MEP1B: variants seen among roughly 807,000 people sequenced by gnomAD.
MEP1B encodes the protein meprin A subunit beta, also known as N-benzoyl-L-tyrosyl-P-amino-benzoic acid hydrolase subunit beta.
In MEP1B, 80 loss-of-function variants were observed where a neutral mutation model predicts 84.6. The ratio of observed to expected loss-of-function variants is 0.95; its 90% confidence interval spans 0.79 to 1.14. MEP1B has a LOEUF of 1.14. Among genes scored for constraint, MEP1B ranks in the 50% most tolerant of loss-of-function variants. The pLI, the probability that MEP1B is intolerant of heterozygous loss-of-function variation, is 0.00. For missense variants in MEP1B, 766 were observed against 855.1 expected (o/e 0.90, Z 1.30); for synonymous variants, 273 against 288.1 (o/e 0.95, Z 0.53).
Position 32,217,829 on chromosome 18 carries a change from C to A in MEP1B, c.1955C>A (p.Thr652Asn). 1 of 1,613,898 alleles carries A rather than the reference C, an allele frequency of 6.2e-7. No individual in the cohort carries two copies. The highest frequency in any genetic ancestry group is 8.5e-7 in the Non-Finnish European group (1 of 1,179,834). Residue 652 changes from threonine to asparagine, a missense_variant, in exon 14 of 15, where the codon ACC (threonine) becomes AAC (asparagine). Transcript: ENST00000269202. ...RCEKRGSTRD[T>N]IVIAVSSTVA... ...GAAAAGAGAGGCTCCACCCGAGACACCATAGTCATTGCTGTTTCATCTACT... is the reference window on the plus strand; with the variant it reads ...GAAAAGAGAGGCTCCACCCGAGACAACATAGTCATTGCTGTTTCATCTACT...
At chr18:32,213,920 C>A (rs908970003) in intron 11 of MEP1B, among the ~76,000 whole-genome samples, 2 of 152,160 alleles carry the variant, frequency 1.3e-5, no homozygotes, top group African/African-American at 4.8e-5. Flanking sequence ...TCTCTTAGGG[C>A]CCCAGTGTCC....
Position 32,196,604 on chromosome 18 carries a change from G to A in MEP1B, c.250+1119G>A, listed in dbSNP as rs1243612895. On this transcript the variant is annotated intron_variant, in intron 5 of 14. Coordinates refer to ENST00000269202, the MANE Select transcript of MEP1B (RefSeq NM_005925.3). This position sits in a 1 kb window ranked among gnomAD's most constrained non-coding sequence, Gnocchi z 4.4. ...TGTCCAGGAAGCACAGCGACAGGTC[G>A]TACTCCATCACCCTGTGCAGCACCC... is the stretch of plus-strand genomic sequence containing the variant. 4 of 723,064 alleles carry A rather than the reference G, an allele frequency of 5.5e-6. No individual in the cohort carries two copies. Among genetic ancestry groups the A allele is most frequent in the South Asian group, 2.9e-5 (2 of 69,270 alleles). The allele number at this position is 723,064 out of a possible 1,614,324, so 44.8% of individuals were successfully genotyped here.
chr18:32,219,580 T>A (rs976245040), intron 14 of MEP1B, among the ~76,000 whole-genome samples: 1 of 152,024 alleles, frequency 6.6e-6, no homozygotes, highest in Non-Finnish European at 1.5e-5. Context: ...GGGGACAAGT[T>A]AACTGGGTGG....
intron 5 of MEP1B, among the ~76,000 whole-genome samples, chr18:32,202,426 A>C (rs80051029): frequency 1.3e-5 from 2 of 152,176 alleles, no homozygotes; most frequent in Middle Eastern, 3.2e-3. Flanking sequence ...TGCACTTTGC[A>C]TTTGTAGATA....
In MEP1B at chr18:32,206,106, C is replaced by T. The variant is rs528148700; in HGVS notation, c.548-1146C>T. On this transcript the variant is annotated intron_variant, in intron 7 of 14. Coordinates refer to ENST00000269202, the MANE Select transcript of MEP1B (RefSeq NM_005925.3). Reference sequence around the variant, plus strand: ...AAGTGATTCTCCTGCCTCAGCCTCCCGAGTAACTGGGATTATAGGCGCCCG... The same window carrying T: ...AAGTGATTCTCCTGCCTCAGCCTCCTGAGTAACTGGGATTATAGGCGCCCG... Among the ~76,000 whole-genome samples, 142 of 151,754 alleles carry T rather than the reference C, an allele frequency of 9.4e-4. 1 individual carries two copies. Among genetic ancestry groups the T allele is most frequent in the African/African-American group, 3.1e-3 (130 of 41,350 alleles).
intron 5 of MEP1B, among the ~76,000 whole-genome samples, chr18:32,197,405 G>GTTTTTTTTTTTTTTTTTTTT (rs34303503): frequency 7.0e-6 from 1 of 142,162 alleles, no homozygotes; most frequent in African/African-American, 2.6e-5. Flanking sequence ...TTTCATTTTT[G>GTTTTTTTTTTTTTTTTTTTT]TTTTTTTTTT....
chr18:32,196,648 C>A lies in MEP1B; in HGVS notation c.250+1163C>A. ...AGCACCCGCCTGATGTTGTCCAGCA[C>A]GCCACCTCGGGGTGTCTTCCCCAAG... On this transcript the variant is annotated intron_variant, in intron 5 of 14. Coordinates refer to ENST00000269202, the MANE Select transcript of MEP1B (RefSeq NM_005925.3). The surrounding 1 kb of genome is among the most constrained non-coding windows in gnomAD (Gnocchi z 4.4). The A allele has an allele frequency of 7.2e-6, 5 of 689,668 alleles. No individual in the cohort carries two copies. Among genetic ancestry groups the A allele is most frequent in the Middle Eastern group, 2.6e-4 (1 of 3,844 alleles). The allele number at this position is 689,668 out of a possible 1,614,324, so 42.7% of individuals were successfully genotyped here. A position where few individuals can be genotyped will look rare whatever the true frequency, so the allele number is the denominator to read the frequency against.
At chr18:32,194,093 T>C (rs1387578552) in intron 4 of MEP1B, among the ~76,000 whole-genome samples, 2 of 152,100 alleles carry the variant, frequency 1.3e-5, no homozygotes, top group African/African-American at 4.8e-5. Flanking sequence ...TCTACTCAAC[T>C]GAACACATAA....
chr18:32,216,363 A>G (rs2041089883), intron 12 of MEP1B, among the ~76,000 whole-genome samples: 1 of 152,230 alleles, frequency 6.6e-6, no homozygotes, highest in Non-Finnish European at 1.5e-5. Flanking sequence ...CTCTTTGACC[A>G]TAGCGATTTC....
chr18:32,199,213 T>A (rs1291070205), intron 5 of MEP1B, among the ~76,000 whole-genome samples: 1 of 152,090 alleles, frequency 6.6e-6, no homozygotes, highest in Non-Finnish European at 1.5e-5. Flanking sequence ...TGTTTGGGAG[T>A]TATTAGGATG....
rs1242529924 is a variant in MEP1B, at chr18:32,213,376, A to G, written c.1396A>G (p.Asn466Asp). 2 of 1,613,864 alleles carry G rather than the reference A, an allele frequency of 1.2e-6. No individual in the cohort carries two copies. The highest frequency in any genetic ancestry group is 2.2e-5 in the South Asian group (2 of 91,060). Residue 466 changes from asparagine to aspartate, a missense_variant, in exon 11 of 15, where the codon AAT (asparagine) becomes GAT (aspartate). By Grantham distance (23) the Asn-to-Asp change is conservative. Transcript: ENST00000269202. ...SKGYAFQIYL[N>D]LAHVTNAGIY... is the part of the protein sequence containing the mutation. ...AGGTTATGCCTTTCAGATTTACTTA[A>G]ATCTAGCCCATGTGACTAATGCAGG...
rs1334674530 is a variant in MEP1B at position 32,208,222 on chromosome 18, G to A, written c.870G>A (p.Gln290=). ...GDNADWQRVS[Q]VPRGPESDHS... ...ATGCTGACTGGCAACGGGTTTCACA[G>A]GTTCCCAGGGGGCCAGAGAGTGATC... Residue 290 remains glutamine (Q), a synonymous_variant, in exon 9 of 15, where the codon CAG becomes CAA. Transcript: ENST00000269202. 2 of 1,613,870 alleles carry A rather than the reference G, an allele frequency of 1.2e-6. No individual in the cohort carries two copies.
At position 32,215,189 on chromosome 18, in the gene MEP1B, A is replaced by G; in HGVS notation, c.1687A>G (p.Ile563Val). The part of the protein sequence containing the change: ...RGGGYGTSAF[I>V]THERLKSRDF... The stretch of plus-strand genomic sequence containing the variant: ...TGGGGGCTATGGAACCAGTGCCTTT[A>G]TAACCCACGAAAGGCTGAAAAGCAG... Residue 563 changes from isoleucine (I) to valine (V), a missense_variant, in exon 12 of 15, where the codon ATA becomes GTA. By Grantham distance (29) the Ile-to-Val change is conservative. Coordinates refer to ENST00000269202, the MANE Select transcript of MEP1B (RefSeq NM_005925.3). 1 of 1,612,386 alleles carries G rather than the reference A, an allele frequency of 6.2e-7. No homozygotes were observed. Among genetic ancestry groups the G allele is most frequent in the Admixed American group, 1.7e-5 (1 of 59,764 alleles).
chr18:32,191,670 T>C (rs543426182), intron 1 of MEP1B, among the ~76,000 whole-genome samples, 152 bp from the exon 2 acceptor site: 5 of 152,160 alleles, frequency 3.3e-5, no homozygotes, highest in Non-Finnish European at 7.4e-5. Flanking sequence ...ATCTTAAACT[T>C]CAATTTAGCC....
At chr18:32,218,534 A>G (rs1049254467) in intron 14 of MEP1B, among the ~76,000 whole-genome samples, 5 of 152,260 alleles carry the variant, frequency 3.3e-5, no homozygotes, top group African/African-American at 2.4e-5. Context: ...TCCTGTTTCC[A>G]GTGGGTCCCT....
chr18:32,213,398 C>T lies in MEP1B; in HGVS notation c.1418C>T (p.Ala473Val). 1 of 1,613,876 alleles carries T rather than the reference C, an allele frequency of 6.2e-7. No individual in the cohort carries two copies. Among genetic ancestry groups the T allele is most frequent in the East Asian group, 2.2e-5 (1 of 44,874 alleles). Reference sequence around the variant, plus strand: ...TTAAATCTAGCCCATGTGACTAATGCAGGGATATATTTCCACTTGATCTCT... The same window carrying T: ...TTAAATCTAGCCCATGTGACTAATGTAGGGATATATTTCCACTTGATCTCT... ...IYLNLAHVTN[A>V]GIYFHLISGA... Residue 473 changes from alanine (A) to valine (V), a missense_variant, in exon 11 of 15, where the codon GCA (alanine) becomes GTA (valine). Ala to Val is a moderately conservative substitution (Grantham distance 64). Transcript: ENST00000269202.
At position 32,217,966 on chromosome 18, in the gene MEP1B, G is replaced by A. The variant is rs187452324; in HGVS notation, c.2091+1G>A. The stretch of plus-strand genomic sequence containing the variant: ...TCGACCAAATTTGACTCCGCAAAAT[G>A]TAAGTTGAGGCTGATGTTTGATTAT... On this transcript the variant is annotated splice_donor_variant, in intron 14 of 14. Coordinates refer to ENST00000269202, the MANE Select transcript of MEP1B (RefSeq NM_005925.3). LOFTEE classifies it high-confidence loss of function. 1 of 1,613,490 alleles carries A rather than the reference G, an allele frequency of 6.2e-7. No individual in the cohort carries two copies.
In MEP1B at chr18:32,196,437, G is replaced by A; in HGVS notation, c.250+952G>A. ...CGCCCAGCTGGGTCTTACAGAGGGT[G>A]TGCAGCCAGCCCTTCCTTCTGGTGC... On this transcript the variant is annotated intron_variant, in intron 5 of 14. Coordinates refer to ENST00000269202, the MANE Select transcript of MEP1B (RefSeq NM_005925.3). The surrounding 1 kb of genome is among the most constrained non-coding windows in gnomAD (Gnocchi z 4.4). The A allele has an allele frequency of 1.4e-6, 1 of 694,300 alleles. No individual in the cohort carries two copies. The allele number at this position is 694,300 out of a possible 1,614,324, so 43.0% of individuals were successfully genotyped here. A position where few individuals can be genotyped will look rare whatever the true frequency, so the allele number is the denominator to read the frequency against.
chr18:32,203,320 T>C (rs1568267541), intron 6 of MEP1B: 5 of 230,154 alleles, frequency 2.2e-5, no homozygotes, highest in Non-Finnish European at 4.2e-5. Context: ...AACATGTGTA[T>C]TTATGTGTGT....
Sources: allele counts gnomAD v4.1 joint callset (sites outside exome capture counted in the v4.1 genomes callset), GRCh38; gene constraint gnomAD v4.1.1; non-coding constraint Gnocchi (gnomAD v3.1); transcripts MANE v1.5; gene names NCBI Gene and HGNC (gene_info 2026-07-23, HGNC 2026-07-21).